Variants in ADAMTS12 observed in about 807,000 individuals in gnomAD.
The protein encoded by ADAMTS12 is ADAM metallopeptidase with thrombospondin type 1 motif 12.
In ADAMTS12, 118 loss-of-function variants were observed where a neutral mutation model predicts 167.8. The ratio of observed to expected loss-of-function variants is 0.70; its 90% CI spans 0.61 to 0.82. The LOEUF (loss-of-function observed/expected upper bound fraction) is 0.82. Ranked by LOEUF, ADAMTS12 falls within the 40% of genes least tolerant of loss-of-function variation. The pLI is 0.00. For synonymous variants in ADAMTS12, 704 were observed against 716.9 expected (o/e 0.98, Z 0.29); for missense variants, 1,916 against 1,998.8 (o/e 0.96, Z 0.79).
At chr5:33,683,425 C>G (rs1742203226) in intron 4 of ADAMTS12, among the ~76,000 whole-genome samples, 1 of 152,190 alleles carries the variant, frequency 6.6e-6, no homozygotes. Flanking sequence ...CTAACATCTT[C>G]TTGAAGGCAG....
intron 17 of ADAMTS12, 54 bp downstream of exon 17, chr5:33,595,880 G>C: frequency 6.2e-7 from 1 of 1,607,412 alleles, no homozygotes; most frequent in East Asian, 2.2e-5. Context: ...TCACTCTTGA[G>C]TCAGACATCA....
chr5:33,626,582 GATTTAAT>G (rs1739627118), intron 13 of ADAMTS12, among the ~76,000 whole-genome samples: 2 of 151,232 alleles, frequency 1.3e-5, no homozygotes, highest in Admixed American at 6.6e-5. Flanking sequence ...TGGTGGTGGT[GATTTAAT>G]GGTAATGATG....
intron 18 of ADAMTS12, among the ~76,000 whole-genome samples, chr5:33,585,641 G>C (rs1278674347): frequency 6.6e-6 from 1 of 152,174 alleles, no homozygotes; most frequent in Non-Finnish European, 1.5e-5. Context: ...TTTGATACCT[G>C]GTCTCTGTTT....
chr5:33,872,023 T>C (rs1172810115), intron 2 of ADAMTS12, among the ~76,000 whole-genome samples: 1 of 152,134 alleles, frequency 6.6e-6, no homozygotes, highest in East Asian at 1.9e-4. Context: ...AAATAGGCAA[T>C]GTAAATAGGT....
chr5:33,722,653 T>A (rs1743845830), intron 3 of ADAMTS12, among the ~76,000 whole-genome samples: 1 of 152,154 alleles, frequency 6.6e-6, no homozygotes, highest in South Asian at 2.1e-4. Flanking sequence ...GAAGACGATC[T>A]TTAGCTGGAA....
chr5:33,645,515 C>T (rs1740631114), intron 9 of ADAMTS12, among the ~76,000 whole-genome samples: 2 of 152,104 alleles, frequency 1.3e-5, no homozygotes, highest in Non-Finnish European at 1.5e-5. Context: ...ACCCACATAA[C>T]CCTTTTGTTA....
At chr5:33,762,246 C>T (rs1433334147) in intron 2 of ADAMTS12, among the ~76,000 whole-genome samples, 1 of 151,742 alleles carries the variant, frequency 6.6e-6, no homozygotes, top group Non-Finnish European at 1.5e-5. Flanking sequence ...CAGTGGCTCA[C>T]GCATGTAATC....
rs562593103 is a variant in ADAMTS12 at position 33,547,595 on chromosome 5, T to G, written c.4303-1393A>C. 6.6e-5 allele frequency among the ~76,000 whole-genome samples: 10 copies of G among 152,204 alleles called. No individual in the cohort carries two copies. The East Asian group carries it at 1.7e-3, about 26-fold the overall frequency. ...GCAGCTCCGGGTACTCAACTGACTT[T>G]TACATTTTCTATCTCTACTACTGCT... On this transcript the variant is annotated intron_variant, in intron 21 of 23. Coordinates refer to ENST00000504830, the MANE Select transcript of ADAMTS12 (RefSeq NM_030955.4).
intron 2 of ADAMTS12, among the ~76,000 whole-genome samples, chr5:33,802,835 C>T (rs2112474957): frequency 6.6e-6 from 1 of 152,228 alleles, no homozygotes; most frequent in East Asian, 1.9e-4. Context: ...CAATTTGCAC[C>T]GGGTAACAAG....
rs915469977 is a variant in ADAMTS12, at chr5:33,793,417, A to G, written c.490-41869T>C. 1.5e-4 allele frequency among the ~76,000 whole-genome samples: 23 copies of G among 152,334 alleles called. No homozygotes were observed. In the East Asian group the frequency reaches 2.1e-3, roughly 14 times the overall value. On this transcript the variant is annotated intron_variant, in intron 2 of 23. Coordinates refer to ENST00000504830, the MANE Select transcript of ADAMTS12 (RefSeq NM_030955.4). The stretch of plus-strand genomic sequence containing the variant: ...TGATTACTTAAGAATAATCTTCTGA[A>G]TTGCTTAAAATAGTTTAAAACCCTG...
At chr5:33,664,615 C>A (rs1204210867) in intron 5 of ADAMTS12, among the ~76,000 whole-genome samples, 1 of 152,084 alleles carries the variant, frequency 6.6e-6, no homozygotes, top group African/African-American at 2.4e-5. Flanking sequence ...CGTCTCATAC[C>A]TGTTAAAGTG....
chr5:33,671,740 C>T (rs1316491625), intron 5 of ADAMTS12, among the ~76,000 whole-genome samples: 1 of 151,398 alleles, frequency 6.6e-6, no homozygotes, highest in African/African-American at 2.4e-5. Flanking sequence ...CCATACACAC[C>T]CACATACTCA....
At chr5:33,780,538 A>G (rs1216111009) in intron 2 of ADAMTS12, among the ~76,000 whole-genome samples, 1 of 152,182 alleles carries the variant, frequency 6.6e-6, no homozygotes, top group Non-Finnish European at 1.5e-5. Flanking sequence ...GATTGGAAGC[A>G]CTGAAGGGAA....
intron 20 of ADAMTS12, among the ~76,000 whole-genome samples, chr5:33,553,391 T>C (rs1745343532): frequency 6.6e-6 from 1 of 152,210 alleles, no homozygotes; most frequent in Non-Finnish European, 1.5e-5. Flanking sequence ...TATAAATTAT[T>C]CTGTTATAAA....
intron 3 of ADAMTS12, among the ~76,000 whole-genome samples, chr5:33,689,412 C>A (rs201886423): frequency 2.7e-5 from 4 of 148,466 alleles, no homozygotes; most frequent in South Asian, 2.2e-4. Flanking sequence ...AGGATCAACT[C>A]AAAAAAAAAA....
chr5:33,731,666 G>A (rs919938411), intron 3 of ADAMTS12, among the ~76,000 whole-genome samples: 1 of 152,174 alleles, frequency 6.6e-6, no homozygotes, highest in Non-Finnish European at 1.5e-5. Context: ...GGACTATGCT[G>A]ATAGGATCTA....
At chr5:33,773,808 T>A (rs1310293072) in intron 2 of ADAMTS12, among the ~76,000 whole-genome samples, 1 of 152,222 alleles carries the variant, frequency 6.6e-6, no homozygotes, top group African/African-American at 2.4e-5. Flanking sequence ...TACATATGAC[T>A]TTCAGTTCTT....
intron 19 of ADAMTS12, among the ~76,000 whole-genome samples, chr5:33,573,727 A>G (rs564685380): frequency 6.6e-6 from 1 of 152,222 alleles, no homozygotes; most frequent in East Asian, 1.9e-4. Context: ...AATGGCAACA[A>G]AAGCCAAAAT....
intron 2 of ADAMTS12, among the ~76,000 whole-genome samples, chr5:33,816,039 G>A (rs1011976192): frequency 3.1e-4 from 47 of 152,254 alleles, no homozygotes; most frequent in African/African-American, 1.9e-4. Flanking sequence ...TGAGCACCCA[G>A]GTCTGGTCCT....
Sources: allele counts gnomAD v4.1 joint callset (sites outside exome capture counted in the v4.1 genomes callset), GRCh38; gene constraint gnomAD v4.1.1; transcripts MANE v1.5; gene names NCBI Gene and HGNC (gene_info 2026-07-23, HGNC 2026-07-21).